CEP72: variants seen among roughly 807,000 people sequenced by gnomAD.
CEP72 encodes the protein centrosomal protein 72.
Under a neutral mutation model 65.7 loss-of-function variants are expected in CEP72, and 78 were observed. The ratio of observed to expected loss-of-function variants is 1.19; its 90% CI spans 0.99 to 1.43. The LOEUF (loss-of-function observed/expected upper bound fraction) is 1.43. CEP72 is among the 40% of genes most tolerant of loss of function. The pLI, the probability that CEP72 is intolerant of heterozygous loss-of-function variation, is 0.00. For synonymous variants in CEP72, 358 were observed against 351.7 expected (o/e 1.02, Z -0.20); for missense variants, 914 against 832.9 (o/e 1.10, Z -1.20).
downstream of CEP72, among the ~76,000 whole-genome samples, chr5:658,645 A>ATTTTTTTTTTTTTTTTTTTTTTTTTTT (rs70955278): frequency 3.6e-5 from 2 of 55,946 alleles, 1 homozygote; most frequent in Non-Finnish European, 6.8e-5. Flanking sequence ...AGCAAAGCTG[A>ATTTTTTTTTTTTTTTTTTTTTTTTTTT]TTTTTTTTTT....
At position 624,211 on chromosome 5, in the gene CEP72, C is replaced by T. The variant is rs372945134; in HGVS notation, c.404-260C>T. The stretch of plus-strand genomic sequence containing the variant: ...GTGTGCACTTTAGAGAAAGGGTGTG[C>T]GTGTGTGTGTGTGAGCCTCATCTGT... On this transcript the variant is annotated intron_variant, in intron 3 of 11. Coordinates refer to ENST00000264935, the MANE Select transcript of CEP72 (RefSeq NM_018140.4). This position sits in a 1 kb window ranked among gnomAD's most constrained non-coding sequence, Gnocchi z 4.7. Among the ~76,000 whole-genome samples the T allele has an allele frequency of 4.6e-5, 7 of 152,092 alleles. No individual in the cohort carries two copies. The highest frequency in any genetic ancestry group is 3.9e-4 in the East Asian group (2 of 5,172).
chr5:657,561 G>A (rs1368730229), downstream of CEP72, among the ~76,000 whole-genome samples: 2 of 152,214 alleles, frequency 1.3e-5, no homozygotes, highest in African/African-American at 2.4e-5. Flanking sequence ...TCTTTGTCAG[G>A]AGGTTTGACT....
intron 11 of CEP72, among the ~76,000 whole-genome samples, chr5:648,475 T>C (rs1474896522): frequency 7.2e-6 from 1 of 139,156 alleles, no homozygotes; most frequent in Non-Finnish European, 1.6e-5. Flanking sequence ...GAGGTGTGAC[T>C]GTGAGGTATG....
intron 11 of CEP72, among the ~76,000 whole-genome samples, chr5:650,307 T>C (rs867607270): frequency 2.7e-5 from 3 of 109,228 alleles, no homozygotes; most frequent in African/African-American, 3.8e-5. Context: ...GACTGTGAGG[T>C]GTGACTGTGA....
intron 9 of CEP72, chr5:641,223 C>T: frequency 1.0e-6 from 1 of 985,354 alleles, no homozygotes; most frequent in Non-Finnish European, 1.2e-6. Context: ...ACAGGATCCT[C>T]CCAGGCTCCC....
the CEP72 span, among the ~76,000 whole-genome samples, chr5:674,500 C>T: frequency 2.6e-5 from 4 of 152,006 alleles, no homozygotes; most frequent in Admixed American, 1.3e-4. Context: ...TCCGAGTGCC[C>T]GGGACACGTC....
At chr5:638,298 TGA>T (rs1472481796) in intron 7 of CEP72, among the ~76,000 whole-genome samples, 1 of 152,106 alleles carries the variant, frequency 6.6e-6, no homozygotes, top group East Asian at 1.9e-4. Flanking sequence ...GTCGCTGTGA[TGA>T]GAGACCGAGT....
the CEP72 span, chr5:676,448 C>T: frequency 6.6e-6 from 1 of 152,210 alleles, no homozygotes; most frequent in Admixed American, 6.5e-5. Context: ...GGCATCTGAC[C>T]CACGGCCCGG....
intron 6 of CEP72, 105 bp downstream of exon 6, chr5:635,689 T>A: frequency 3.1e-6 from 3 of 977,302 alleles, no homozygotes; most frequent in Non-Finnish European, 4.7e-6. Flanking sequence ...TTCTGGAGGC[T>A]GGGAAGTCCA....
Position 643,925 on chromosome 5 carries a change from G to A in CEP72, c.1540-374G>A, listed in dbSNP as rs557436902. On this transcript the variant is annotated intron_variant, in intron 9 of 11. Transcript: ENST00000264935. ...ACACTGGCACCAAGGCCTGGGGCTC[G>A]CAGTGTCCGTGAGGGCGTCCTGGAA... 1.4e-4 allele frequency among the ~76,000 whole-genome samples: 21 copies of A among 152,338 alleles called. No homozygotes were observed. The East Asian group carries it at 3.7e-3, about 27-fold the overall frequency.
chr5:659,522 T>A (rs1739494955), downstream of CEP72, among the ~76,000 whole-genome samples: 1 of 152,256 alleles, frequency 6.6e-6, no homozygotes, highest in Admixed American at 6.5e-5. Context: ...GCATTTTTTT[T>A]ATAGCAGCCT....
intron 10 of CEP72, among the ~76,000 whole-genome samples, chr5:646,478 C>A (rs1738431235): frequency 6.6e-6 from 1 of 152,126 alleles, no homozygotes; most frequent in African/African-American, 2.4e-5. Flanking sequence ...GTTTTCTGAC[C>A]TCATGGATCA....
At chr5:656,088 G>A (rs1404494717), downstream of CEP72, among the ~76,000 whole-genome samples, 1 of 152,048 alleles carries the variant, frequency 6.6e-6, no homozygotes, top group Admixed American at 6.5e-5. Context: ...ATTGATTTTT[G>A]CGCCTGTTGT....
downstream of CEP72, among the ~76,000 whole-genome samples, chr5:668,056 A>G (rs1400926227): frequency 2.7e-5 from 1 of 37,050 alleles, no homozygotes; most frequent in Non-Finnish European, 4.0e-5. Context: ...GCCGTCAGGG[A>G]AGTACCGACA....
At chr5:620,830 A>T (rs747879408) in intron 3 of CEP72, among the ~76,000 whole-genome samples, 1 of 152,214 alleles carries the variant, frequency 6.6e-6, no homozygotes, top group African/African-American at 2.4e-5. Flanking sequence ...GATGCCCAGT[A>T]GGGAGGGTCC....
the CEP72 span, among the ~76,000 whole-genome samples, chr5:673,689 A>T: frequency 6.6e-6 from 1 of 152,100 alleles, no homozygotes; most frequent in Non-Finnish European, 1.5e-5. Flanking sequence ...CAAGGCTGGC[A>T]CACCCCAAGG....
intron 9 of CEP72, chr5:642,246 G>A: frequency 1.3e-6 from 1 of 773,628 alleles, no homozygotes; most frequent in South Asian, 5.5e-5. Flanking sequence ...CCGTCCAGAA[G>A]CCTCTGCTTT....
intron 4 of CEP72, among the ~76,000 whole-genome samples, chr5:633,392 T>A (rs1461060536): frequency 7.7e-6 from 1 of 129,038 alleles, no homozygotes; most frequent in Non-Finnish European, 1.7e-5. Flanking sequence ...CAGTGCTGGA[T>A]TTGACCCAGT....
At chr5:650,218 CTG>C (rs1203731882) in intron 11 of CEP72, among the ~76,000 whole-genome samples, 2 of 92,000 alleles carry the variant, frequency 2.2e-5, no homozygotes, top group Non-Finnish European at 4.2e-5. Context: ...TGAGGTGTGA[CTG>C]TGAGGCGTGG....
Sources: allele counts gnomAD v4.1 joint callset (sites outside exome capture counted in the v4.1 genomes callset), GRCh38; gene constraint gnomAD v4.1.1; non-coding constraint Gnocchi (gnomAD v3.1); transcripts MANE v1.5; gene names NCBI Gene and HGNC (gene_info 2026-07-23, HGNC 2026-07-21).